The following FAM53A variants were observed in gnomAD, a reference collection of about 807,000 sequenced individuals.
The protein encoded by FAM53A is family with sequence similarity 53 member A, also known as protein FAM53A.
A neutral mutation model predicts 26.6 loss-of-function variants in FAM53A; 28 were observed. The observed-to-expected ratio is 1.05, with a 90% CI of 0.78 to 1.45. The LOEUF (loss-of-function observed/expected upper bound fraction) is 1.45. Among genes scored for constraint, FAM53A ranks in the 40% most tolerant of loss-of-function variants. The pLI, the probability that FAM53A is intolerant of heterozygous loss-of-function variation, is 0.00. For missense variants in FAM53A, 650 were observed against 575.8 expected (o/e 1.13, Z -1.32); for synonymous variants, 290 against 253.1 (o/e 1.15, Z -1.38).
rs762508949 is a variant in FAM53A, at chr4:1,657,454, C to T, written c.90G>A (p.Ala30=). 5.6e-6 allele frequency: 9 copies of T among 1,613,806 alleles called. No homozygotes were observed. Among genetic ancestry groups the T allele is most frequent in the South Asian group, 3.3e-5 (3 of 90,982 alleles). ...GACGACCGCTCTTGTTCAGGGTTTC[C>T]GCAGAATACTGCAACTGACAGGAAA... ...KAEAGPLQYS[A]ETLNKSGRLF... The change falls in exon 3 of 5, where the codon GCG becomes GCA. Residue 30 remains alanine (A), a synonymous_variant. Coordinates refer to ENST00000308132, the MANE Select transcript of FAM53A (RefSeq NM_001174070.3).
the FAM53A span, among the ~76,000 whole-genome samples, chr4:1,606,454 G>T: frequency 6.6e-6 from 1 of 152,224 alleles, no homozygotes; most frequent in African/African-American, 2.4e-5. Context: ...TAAGATAGCC[G>T]AGACCCGATG....
At chr4:1,627,278 G>C (rs1052809618) in intron 1 of FAM53A, among the ~76,000 whole-genome samples, 7 of 152,350 alleles carry the variant, frequency 4.6e-5, no homozygotes, top group African/African-American at 1.4e-4. Flanking sequence ...AGAGTGCTCA[G>C]GCAGGGCCTG....
At chr4:1,611,146 G>A in the FAM53A span, among the ~76,000 whole-genome samples, 11 of 152,312 alleles carry the variant, frequency 7.2e-5, no homozygotes, top group Admixed American at 3.9e-4. Flanking sequence ...GACCCAGCCC[G>A]GCTCACAGGA....
intron 1 of FAM53A, among the ~76,000 whole-genome samples, chr4:1,681,474 C>T (rs981522789): frequency 6.6e-6 from 1 of 151,420 alleles, no homozygotes; most frequent in African/African-American, 2.4e-5. Context: ...ACTGAAACCA[C>T]ATTCGAAGTG....
downstream of FAM53A, among the ~76,000 whole-genome samples, chr4:1,614,792 T>C (rs576140335): frequency 1.2e-4 from 18 of 152,236 alleles, no homozygotes; most frequent in African/African-American, 3.9e-4. Flanking sequence ...AGCGTGTATA[T>C]TGATCCCTTA....
At chr4:1,608,137 A>G in the FAM53A span, among the ~76,000 whole-genome samples, 1 of 151,948 alleles carries the variant, frequency 6.6e-6, no homozygotes, top group South Asian at 2.1e-4. Flanking sequence ...AAAACAAAAA[A>G]ATCACCTTCC....
At chr4:1,585,632 C>G in the FAM53A span, among the ~76,000 whole-genome samples, 1 of 152,176 alleles carries the variant, frequency 6.6e-6, no homozygotes, top group Admixed American at 6.5e-5. Context: ...AGAGTCCACA[C>G]ATGAGTGGAT....
At chr4:1,631,230 T>C (rs540584789) in intron 1 of FAM53A, among the ~76,000 whole-genome samples, 8 of 152,262 alleles carry the variant, frequency 5.3e-5, no homozygotes, top group Admixed American at 5.2e-4. Flanking sequence ...TGCTTGGGGC[T>C]TCCCAGCAGC....
the FAM53A span, among the ~76,000 whole-genome samples, chr4:1,588,363 C>T: frequency 2.0e-5 from 3 of 152,226 alleles, no homozygotes; most frequent in Admixed American, 6.5e-5. Flanking sequence ...TAATTCCACT[C>T]GCTTTGAGTG....
chr4:1,617,472 T>C (rs1014596171), downstream of FAM53A, among the ~76,000 whole-genome samples: 5 of 152,184 alleles, frequency 3.3e-5, no homozygotes, highest in Non-Finnish European at 7.3e-5. Context: ...CTATAACATA[T>C]CATAAACATT....
intron 1 of FAM53A, among the ~76,000 whole-genome samples, chr4:1,672,583 T>C (rs1441855229): frequency 6.6e-6 from 1 of 152,048 alleles, no homozygotes; most frequent in African/African-American, 2.4e-5. Context: ...AGAGAACGTA[T>C]GGCGAGAAAC....
chr4:1,602,823 C>T, the FAM53A span, among the ~76,000 whole-genome samples: 3 of 152,176 alleles, frequency 2.0e-5, no homozygotes, highest in East Asian at 3.9e-4. Flanking sequence ...CAGGAGGGGT[C>T]TGAGGGCAGC....
At chr4:1,638,609 G>C (rs1421209338), downstream of FAM53A, among the ~76,000 whole-genome samples, 2 of 152,188 alleles carry the variant, frequency 1.3e-5, no homozygotes, top group African/African-American at 4.8e-5. Flanking sequence ...AGCCCTGGGG[G>C]AAGGTGGCAA....
intron 3 of FAM53A, among the ~76,000 whole-genome samples, chr4:1,656,334 G>A (rs1406711630): frequency 6.6e-6 from 1 of 152,238 alleles, no homozygotes; most frequent in Admixed American, 6.5e-5. Flanking sequence ...ACTGCCTGCT[G>A]GTTCGGAGAA....
intron 1 of FAM53A, among the ~76,000 whole-genome samples, chr4:1,682,552 C>T (rs1482658479): frequency 2.0e-5 from 3 of 152,114 alleles, no homozygotes; most frequent in African/African-American, 7.2e-5. Flanking sequence ...TGAGCCACCG[C>T]GCCTAGCCTT....
downstream of FAM53A, among the ~76,000 whole-genome samples, chr4:1,636,478 G>A (rs376752372): frequency 4.0e-4 from 61 of 152,324 alleles, no homozygotes; most frequent in African/African-American, 1.4e-3. Flanking sequence ...GTGTTGCCCC[G>A]TTCACGGGAG....
At chr4:1,657,771 G>A (rs1713507035) in intron 2 of FAM53A, among the ~76,000 whole-genome samples, 1 of 151,766 alleles carries the variant, frequency 6.6e-6, no homozygotes, top group Non-Finnish European at 1.5e-5. Flanking sequence ...CCAAGTAGCT[G>A]GGACTACAGG....
chr4:1,622,427 AG>A (rs1715083162), intron 1 of FAM53A, among the ~76,000 whole-genome samples: 1 of 152,204 alleles, frequency 6.6e-6, no homozygotes, highest in Non-Finnish European at 1.5e-5. Context: ...GCTTCCAGCC[AG>A]GCCCTGGCCC....
the FAM53A span, among the ~76,000 whole-genome samples, chr4:1,594,262 G>C: frequency 6.6e-6 from 1 of 152,230 alleles, no homozygotes; most frequent in African/African-American, 2.4e-5. Flanking sequence ...AGGTCACCAG[G>C]TCAGGGCTCA....
Sources: gnomAD v4.1 joint callset for allele counts (sites outside exome capture counted in the v4.1 genomes callset) on GRCh38, gnomAD v4.1.1 for gene constraint, MANE v1.5 for transcripts, NCBI Gene and HGNC (gene_info 2026-07-23, HGNC 2026-07-21) for gene names.